Variants in PIEZO2 observed in about 807,000 individuals in gnomAD.
PIEZO2 encodes piezo type mechanosensitive ion channel component 2, also known as piezo-type mechanosensitive ion channel component 2.
PIEZO2 carries 172 observed loss-of-function variants against 337.3 expected under a neutral mutation model. The ratio of observed to expected loss-of-function variants is 0.51; its 90% CI spans 0.45 to 0.58. The LOEUF is 0.58. PIEZO2 is among the 20% of genes least tolerant of loss of function. The pLI is 0.00. For missense variants in PIEZO2, 3,028 were observed against 3,391.3 expected (o/e 0.89, Z 2.66); for synonymous variants, 1,251 against 1,228.5 (o/e 1.02, Z -0.38).
chr18:11,128,873 A>C lies in PIEZO2; in HGVS notation c.64+19652T>G, dbSNP rs1437681386. On this transcript the variant is annotated intron_variant, in intron 1 of 55. Coordinates refer to ENST00000674853, the MANE Select transcript of PIEZO2 (RefSeq NM_001378183.1). This position sits in a 1 kb window ranked among gnomAD's most constrained non-coding sequence, Gnocchi z 4.1. ...GAGAACAGGCCTGGGAATGGATATT[A>C]AGGGTATGGGATAATAGTGGAAGGA... Among the ~76,000 whole-genome samples, 1 of 152,200 alleles carries C rather than the reference A, an allele frequency of 6.6e-6. No individual in the cohort carries two copies. The highest frequency in any genetic ancestry group is 2.4e-5 in the African/African-American group (1 of 41,458).
At position 10,953,748 on chromosome 18, in the gene PIEZO2, C is replaced by T. The variant is rs2033399521; in HGVS notation, c.286+25787G>A. On this transcript the variant is annotated intron_variant, in intron 3 of 55. Transcript: ENST00000674853. This position sits in a 1 kb window ranked among gnomAD's most constrained non-coding sequence, Gnocchi z 5.2. ...ATGGGCAGCATTTTATTACCCACATCTACTCATGGTCCTGCGGGAGGACAC... is the reference window on the plus strand; with the variant it reads ...ATGGGCAGCATTTTATTACCCACATTTACTCATGGTCCTGCGGGAGGACAC... Among the ~76,000 whole-genome samples the T allele has an allele frequency of 6.6e-6, 1 of 152,108 alleles. No homozygotes were observed. The highest frequency in any genetic ancestry group is 2.4e-5 in the African/African-American group (1 of 41,400).
At position 10,846,379 on chromosome 18, in the gene PIEZO2, C is replaced by A. The variant is rs939101026; in HGVS notation, c.917+8974G>T. The stretch of plus-strand genomic sequence containing the variant: ...CCCCCATAATTCAATCACCTCCCAC[C>A]GGGGATGAGATTTGGGTGGGGTCAT... On this transcript the variant is annotated intron_variant, in intron 7 of 55. Coordinates refer to ENST00000674853, the MANE Select transcript of PIEZO2 (RefSeq NM_001378183.1). The surrounding 1 kb of genome is among the most constrained non-coding windows in gnomAD (Gnocchi z 4.1). Among the ~76,000 whole-genome samples the A allele has an allele frequency of 1.3e-5, 2 of 152,116 alleles. No homozygotes were observed. Among genetic ancestry groups the A allele is most frequent in the Non-Finnish European group, 2.9e-5 (2 of 68,018 alleles).
Position 11,116,668 on chromosome 18 carries a change from A to AT in PIEZO2, c.64+31856dup. ...GAGGCGTAGCTTGCAGTGAGCCGAG[A>AT]TCCGCCACCGCACTCCAGCCTGGGC... On this transcript the variant is annotated intron_variant, in intron 1 of 55. Coordinates refer to ENST00000674853, the MANE Select transcript of PIEZO2 (RefSeq NM_001378183.1). The surrounding 1 kb of genome is among the most constrained non-coding windows in gnomAD (Gnocchi z 5.0). Among the ~76,000 whole-genome samples the AT allele has an allele frequency of 6.6e-6, 1 of 152,016 alleles. No individual in the cohort carries two copies. The highest frequency in any genetic ancestry group is 1.5e-5 in the Non-Finnish European group (1 of 67,978).
rs2042331807 is a variant in PIEZO2, at chr18:10,878,732, A to T, written c.330-7317T>A. Among the ~76,000 whole-genome samples the T allele has an allele frequency of 6.6e-6, 1 of 152,182 alleles. No individual in the cohort carries two copies. The highest frequency in any genetic ancestry group is 2.4e-5 in the African/African-American group (1 of 41,438). On this transcript the variant is annotated intron_variant, in intron 4 of 55. Coordinates refer to ENST00000674853, the MANE Select transcript of PIEZO2 (RefSeq NM_001378183.1). The surrounding 1 kb of genome is among the most constrained non-coding windows in gnomAD (Gnocchi z 4.3). Reference sequence around the variant, plus strand: ...TTGTGAAGTTATATATGAAGGAAGTAAAGTCAGAAACACAGGGTAAGGTCA... The same window carrying T: ...TTGTGAAGTTATATATGAAGGAAGTTAAGTCAGAAACACAGGGTAAGGTCA...
chr18:10,803,889 T>C lies in PIEZO2; in HGVS notation c.1186A>G (p.Thr396Ala), dbSNP rs995976086. The part of the protein sequence containing the change: ...RSLWYATHYP[T>A]DERKLLSMTQ... ...TCATGGCTTACTTTTCTCTCATCAG[T>C]GGGGTAATGGGTTGCGTACCACAGG... The change falls in exon 9 of 56, where the codon ACT becomes GCT. Residue 396 changes from threonine (T) to alanine (A), a missense_variant. Around this residue, in one of 5 missense-constraint regions of PIEZO2, gnomAD observed 542 missense variants for 605.6 expected, o/e 0.89. Transcript: ENST00000674853. 2.0e-6 allele frequency: 3 copies of C among 1,537,238 alleles called. No homozygotes were observed. The highest frequency in any genetic ancestry group is 3.9e-5 in the Admixed American group (2 of 50,992).
Position 10,916,655 on chromosome 18 carries a change from T to C in PIEZO2, c.287-5427A>G, listed in dbSNP as rs372830130. Reference sequence around the variant, plus strand: ...CAAGCAAAGTCCCAGTTCCTGCCCATGCCTCTCCCTCCACACCTCCCCACA... The same window carrying C: ...CAAGCAAAGTCCCAGTTCCTGCCCACGCCTCTCCCTCCACACCTCCCCACA... On this transcript the variant is annotated intron_variant, in intron 3 of 55. Transcript: ENST00000674853. 3.2e-3 allele frequency among the ~76,000 whole-genome samples: 488 copies of C among 152,232 alleles called. 4 individuals are homozygous for C. The highest frequency in any genetic ancestry group is 0.01 in the African/African-American group (418 of 41,576).
rs901060767 is a variant in PIEZO2, at chr18:11,078,801, T to C, written c.65-12579A>G. On this transcript the variant is annotated intron_variant, in intron 1 of 55. Coordinates refer to ENST00000674853, the MANE Select transcript of PIEZO2 (RefSeq NM_001378183.1). This position sits in a 1 kb window ranked among gnomAD's most constrained non-coding sequence, Gnocchi z 5.3. Reference sequence around the variant, plus strand: ...TCTTTTGCCAGATCTCTTCAGTCTCTACCTACTCAGAGTATTTGGCCTTAC... The same window carrying C: ...TCTTTTGCCAGATCTCTTCAGTCTCCACCTACTCAGAGTATTTGGCCTTAC... Among the ~76,000 whole-genome samples, 1 of 152,232 alleles carries C rather than the reference T, an allele frequency of 6.6e-6. No individual in the cohort carries two copies. Among genetic ancestry groups the C allele is most frequent in the Non-Finnish European group, 1.5e-5 (1 of 68,030 alleles).
intron 3 of PIEZO2, among the ~76,000 whole-genome samples, chr18:10,958,283 G>A (rs541755342): frequency 6.6e-5 from 10 of 152,254 alleles, no homozygotes; most frequent in South Asian, 2.1e-4. Context: ...CTCGCTTTAT[G>A]TGGCATCTAA....
rs551749852 is a variant in PIEZO2 at position 10,929,382 on chromosome 18, C to T, written c.287-18154G>A. On this transcript the variant is annotated intron_variant, in intron 3 of 55. Transcript: ENST00000674853. This position sits in a 1 kb window ranked among gnomAD's most constrained non-coding sequence, Gnocchi z 5.6. ...CATAATGCTATGAATTCCAGACCAGCGCAAAGAAACTCCGAATTATTTTGA... is the reference window on the plus strand; with the variant it reads ...CATAATGCTATGAATTCCAGACCAGTGCAAAGAAACTCCGAATTATTTTGA... 2.6e-5 allele frequency among the ~76,000 whole-genome samples: 4 copies of T among 152,264 alleles called. No homozygotes were observed. The highest frequency in any genetic ancestry group is 3.4e-3 in the Middle Eastern group (1 of 294).
At chr18:11,000,898 A>C (rs1295690770) in intron 2 of PIEZO2, among the ~76,000 whole-genome samples, 1 of 152,156 alleles carries the variant, frequency 6.6e-6, no homozygotes, top group East Asian at 1.9e-4. Context: ...GGAGCCCTCC[A>C]GAACTGTCTA....
Position 11,047,636 on chromosome 18 carries a change from A to C in PIEZO2, c.160+18491T>G, listed in dbSNP as rs1328592449. Among the ~76,000 whole-genome samples, 1 of 152,148 alleles carries C rather than the reference A, an allele frequency of 6.6e-6. No homozygotes were observed. Among genetic ancestry groups the C allele is most frequent in the African/African-American group, 2.4e-5 (1 of 41,450 alleles). On this transcript the variant is annotated intron_variant, in intron 2 of 55. Transcript: ENST00000674853. This position sits in a 1 kb window ranked among gnomAD's most constrained non-coding sequence, Gnocchi z 7.2. ...ACCAACACTCCAGGCAATAGGGAGA[A>C]TCGAAGTCTTGGTCCTAAGGAGGAG...
At chr18:10,880,766 A>G (rs1253100116) in intron 4 of PIEZO2, among the ~76,000 whole-genome samples, 1 of 149,360 alleles carries the variant, frequency 6.7e-6, no homozygotes, top group African/African-American at 2.5e-5. Context: ...TGGCTTCAAT[A>G]ACTTTAAAGG....
At position 10,782,431 on chromosome 18, in the gene PIEZO2, A is replaced by AT. The variant is rs1211216602; in HGVS notation, c.2493-2066_2493-2065insA. ...TAATATATTATAATTATATATAAATAATTATATAATATATTATATAGTATA... is the reference window on the plus strand; with the variant it reads ...TAATATATTATAATTATATATAAATATATTATATAATATATTATATAGTATA... On this transcript the variant is annotated intron_variant, in intron 17 of 55. Coordinates refer to ENST00000674853, the MANE Select transcript of PIEZO2 (RefSeq NM_001378183.1). 8.6e-5 allele frequency among the ~76,000 whole-genome samples: 5 copies of AT among 58,402 alleles called. No individual in the cohort carries two copies. The East Asian group carries it at 2.0e-3, about 23-fold the overall frequency. The allele number at this position is 58,402 out of a possible 152,430, so 38.3% of individuals were successfully genotyped here.
Position 10,979,730 on chromosome 18 carries a change from A to G in PIEZO2, c.161-70T>C, listed in dbSNP as rs1247007061. ...AACACACTGGTGCTGTCTCTTGTAC[A>G]TATTTCTGTATAACCTATTAGATAG... On this transcript the variant is annotated intron_variant, in intron 2 of 55. Coordinates refer to ENST00000674853, the MANE Select transcript of PIEZO2 (RefSeq NM_001378183.1). This position sits in a 1 kb window ranked among gnomAD's most constrained non-coding sequence, Gnocchi z 4.0. 7.3e-6 allele frequency: 10 copies of G among 1,370,086 alleles called. No homozygotes were observed. Among genetic ancestry groups the G allele is most frequent in the Admixed American group, 4.9e-5 (2 of 40,812 alleles). The allele number at this position is 1,370,086 out of a possible 1,614,324, so 84.9% of individuals were successfully genotyped here.
intron 33 of PIEZO2, chr18:10,738,055 C>T (rs577118758): frequency 5.6e-4 from 86 of 152,296 alleles, no homozygotes; most frequent in African/African-American, 1.9e-3. Context: ...CACTGTCATT[C>T]GTTATTTTCA....
intron 8 of PIEZO2, among the ~76,000 whole-genome samples, chr18:10,804,829 A>ATG (rs1396956441): frequency 6.6e-6 from 1 of 152,206 alleles, no homozygotes; most frequent in Non-Finnish European, 1.5e-5. Context: ...ACCTGGAACT[A>ATG]TGATATAATC....
In PIEZO2 at chr18:10,726,301, G is replaced by T. The variant is rs1182420889; in HGVS notation, c.5029+5106C>A. 1.8e-6 allele frequency: 2 copies of T among 1,088,044 alleles called. No homozygotes were observed. The highest frequency in any genetic ancestry group is 1.5e-5 in the South Asian group (1 of 67,890). 67.4% of individuals were successfully genotyped at this position (1,088,044 alleles called of 1,614,324 possible). A position where few individuals can be genotyped will look rare whatever the true frequency, so the allele number is the denominator to read the frequency against. ...TGGAAGCGTCGCGGCCAGAGCCCCG[G>T]CCAGGTGGAGCAGGTGGGTCCCCGA... On this transcript the variant is annotated intron_variant, in intron 36 of 55. Coordinates refer to ENST00000674853, the MANE Select transcript of PIEZO2 (RefSeq NM_001378183.1). The surrounding 1 kb of genome is among the most constrained non-coding windows in gnomAD (Gnocchi z 5.9).
At chr18:10,904,108 A>G (rs2043116334) in intron 4 of PIEZO2, among the ~76,000 whole-genome samples, 1 of 152,244 alleles carries the variant, frequency 6.6e-6, no homozygotes, top group Non-Finnish European at 1.5e-5. Context: ...GTTACATGAT[A>G]CCGTTTAGTT....
chr18:11,098,631 A>G (rs1356250895), intron 1 of PIEZO2, among the ~76,000 whole-genome samples: 1 of 151,178 alleles, frequency 6.6e-6, no homozygotes, highest in African/African-American at 2.4e-5. Context: ...TTAGGTCATG[A>G]GGGCTCCCCG....
Sources: gnomAD v4.1 joint callset for allele counts (sites outside exome capture counted in the v4.1 genomes callset) on GRCh38, gnomAD v4.1.1 for gene constraint, gnomAD v4.1.1 regional missense constraint, Gnocchi (gnomAD v3.1) non-coding constraint, MANE v1.5 for transcripts, NCBI Gene and HGNC (gene_info 2026-07-23, HGNC 2026-07-21) for gene names.